TAB2: variants seen among roughly 807,000 people sequenced by gnomAD.
The protein encoded by TAB2 is TGF-beta activated kinase 1 (MAP3K7) binding protein 2.
In TAB2, 3 loss-of-function variants were observed where a neutral mutation model predicts 65.0. The observed-to-expected ratio is 0.05, with a 90% CI of 0.02 to 0.12. The LOEUF is 0.12. TAB2 is among the 10% of genes least tolerant of loss of function. The pLI is 1.00. For synonymous variants in TAB2, 298 were observed against 285.1 expected, an observed-to-expected ratio of 1.05 and a Z score of -0.46; for missense variants, 623 against 840.3, an observed-to-expected ratio of 0.74 and a Z score of 3.20.
chr6:149,224,836 G>A (rs1777233997), intron 1 of TAB2, among the ~76,000 whole-genome samples: 1 of 152,130 alleles, frequency 6.6e-6, no homozygotes, highest in Admixed American at 6.5e-5. Context: ...AAAAATAAAC[G>A]GAGAACTGAC....
chr6:149,381,719 C>G (rs188087095), intron 3 of TAB2, among the ~76,000 whole-genome samples: 2 of 151,884 alleles, frequency 1.3e-5, no homozygotes, highest in Admixed American at 1.3e-4. Context: ...ACTACAGGTA[C>G]ACACCACCAC....
chr6:149,304,749 T>C (rs1779031712), intron 1 of TAB2, among the ~76,000 whole-genome samples: 1 of 152,190 alleles, frequency 6.6e-6, no homozygotes, highest in African/African-American at 2.4e-5. Flanking sequence ...TAGAATCACT[T>C]GTTTAAAAGT....
At chr6:149,323,086 A>G (rs894797860) in intron 1 of TAB2, among the ~76,000 whole-genome samples, 1 of 152,120 alleles carries the variant, frequency 6.6e-6, no homozygotes, top group Admixed American at 6.5e-5. Context: ...TTAAATGTTG[A>G]ATAGTTCTTA....
intron 1 of TAB2, among the ~76,000 whole-genome samples, chr6:149,235,378 CT>C (rs1777477167): frequency 6.6e-6 from 1 of 152,186 alleles, no homozygotes; most frequent in Admixed American, 6.5e-5. Context: ...GAAGAGCAAT[CT>C]TGGGAGGAAC....
chr6:149,307,908 A>G (rs963697580), intron 1 of TAB2, among the ~76,000 whole-genome samples: 4 of 152,178 alleles, frequency 2.6e-5, no homozygotes, highest in African/African-American at 9.7e-5. Context: ...ATCTTTCCAG[A>G]CTTTTTTCTA....
upstream of TAB2, among the ~76,000 whole-genome samples, chr6:149,317,324 C>T (rs1447920636): frequency 6.6e-6 from 1 of 151,992 alleles, no homozygotes; most frequent in Non-Finnish European, 1.5e-5. The surrounding 1 kb of genome is among the most constrained non-coding windows in gnomAD (Gnocchi z 4.7). Flanking sequence ...CGGCCCGCGT[C>T]CTCCCTCCAG....
rs557195962 is a variant in TAB2 at position 149,390,990 on chromosome 6, G to A, written c.1604-6614G>A. On this transcript the variant is annotated intron_variant, in intron 3 of 6. Coordinates refer to ENST00000637181, the MANE Select transcript of TAB2 (RefSeq NM_001292034.3). ...CTCTTCCCTGTTATAAATTACAGTC[G>A]CCATTCTTGGATCTTATATTATCTT... Among the ~76,000 whole-genome samples the A allele has an allele frequency of 5.9e-5, 9 of 152,058 alleles. No homozygotes were observed. In the South Asian group the frequency reaches 1.2e-3, roughly 21 times the overall value.
In TAB2 at chr6:149,322,467, G is replaced by A. The variant is rs570162251; in HGVS notation, c.-90+4452G>A. 5.3e-4 allele frequency among the ~76,000 whole-genome samples: 81 copies of A among 152,154 alleles called. 1 individual carries two copies. In the South Asian group the frequency reaches 0.016, roughly 30 times the overall value. ...TTCAAAGTTACAGAGTTTCAACAGCGATTTCCTATTGTTAGTATTTCAGAA... is the reference window on the plus strand; with the variant it reads ...TTCAAAGTTACAGAGTTTCAACAGCAATTTCCTATTGTTAGTATTTCAGAA... On this transcript the variant is annotated intron_variant, in intron 1 of 6. Coordinates refer to ENST00000637181, the MANE Select transcript of TAB2 (RefSeq NM_001292034.3).
At chr6:149,338,884 T>C (rs1780014446) in intron 1 of TAB2, among the ~76,000 whole-genome samples, 1 of 152,212 alleles carries the variant, frequency 6.6e-6, no homozygotes, top group African/African-American at 2.4e-5. Context: ...GGTTGAATCA[T>C]TCCTATGGCT....
At chr6:149,404,843 A>C (rs890924817) in intron 6 of TAB2, among the ~76,000 whole-genome samples, 2 of 152,198 alleles carry the variant, frequency 1.3e-5, no homozygotes, top group African/African-American at 4.8e-5. Flanking sequence ...AAGCTTCTTG[A>C]CCTGGTCTGG....
intron 1 of TAB2, among the ~76,000 whole-genome samples, chr6:149,309,891 T>C (rs569845438): frequency 0.03 from 4,626 of 151,798 alleles, 229 homozygotes; most frequent in African/African-American, 0.11. Context: ...TGGGTGTGTG[T>C]GTGTGTGTGT....
intron 1 of TAB2, among the ~76,000 whole-genome samples, chr6:149,275,587 C>A (rs754464794): frequency 1.3e-5 from 2 of 152,176 alleles, no homozygotes; most frequent in African/African-American, 4.8e-5. Flanking sequence ...CACTCACTAA[C>A]TGTGAGCTGT....
intron 1 of TAB2, among the ~76,000 whole-genome samples, chr6:149,349,537 G>A (rs1421187340): frequency 6.6e-6 from 1 of 152,040 alleles, no homozygotes; most frequent in Non-Finnish European, 1.5e-5. Context: ...TGTTTCAGGT[G>A]TGTTCCTGTT....
chr6:149,233,265 T>C (rs1360475139), intron 1 of TAB2, among the ~76,000 whole-genome samples: 2 of 152,170 alleles, frequency 1.3e-5, no homozygotes, highest in South Asian at 2.1e-4. Flanking sequence ...GAATCTGTCA[T>C]CCAGGGTCCG....
intron 3 of TAB2, among the ~76,000 whole-genome samples, chr6:149,385,589 T>A (rs1299672541): frequency 6.6e-6 from 1 of 152,218 alleles, no homozygotes; most frequent in African/African-American, 2.4e-5. Flanking sequence ...ACTTGTAGGT[T>A]CCTCCCAGTC....
intron 1 of TAB2, among the ~76,000 whole-genome samples, chr6:149,235,658 T>C (rs192964315): frequency 1.3e-5 from 2 of 152,330 alleles, no homozygotes; most frequent in East Asian, 3.9e-4. Context: ...AGCCTTGATA[T>C]CAGGAACTTC....
At chr6:149,256,930 T>C (rs573084906) in intron 1 of TAB2, among the ~76,000 whole-genome samples, 1 of 152,362 alleles carries the variant, frequency 6.6e-6, no homozygotes, top group East Asian at 1.9e-4. Flanking sequence ...TATCTCTTTC[T>C]TTATAATTAA....
Position 149,411,510 on chromosome 6 carries a change from A to C in TAB2, c.*1791A>C, listed in dbSNP as rs1782861228. On this transcript the variant is annotated 3_prime_UTR_variant, in exon 7 of 7. Coordinates refer to ENST00000637181, the MANE Select transcript of TAB2 (RefSeq NM_001292034.3). ...TTACTTGTTTTATTAATAAAACGTAATTTGGATATCTTGAGTTGATGGTTT... is the reference window on the plus strand; with the variant it reads ...TTACTTGTTTTATTAATAAAACGTACTTTGGATATCTTGAGTTGATGGTTT... 6.5e-6 allele frequency: 1 copy of C among 152,984 alleles called. No homozygotes were observed. Among genetic ancestry groups the C allele is most frequent in the Non-Finnish European group, 1.5e-5 (1 of 68,034 alleles). 9.5% of individuals were successfully genotyped at this position (152,984 alleles called of 1,614,324 possible). A position where few individuals can be genotyped will look rare whatever the true frequency, so the allele number is the denominator to read the frequency against.
At chr6:149,323,618 C>T (rs1377107859) in intron 1 of TAB2, among the ~76,000 whole-genome samples, 2 of 152,168 alleles carry the variant, frequency 1.3e-5, no homozygotes, top group East Asian at 3.8e-4. Flanking sequence ...CTTCAGATGC[C>T]TAAATCTTAG....
Sources: allele counts gnomAD v4.1 joint callset (sites outside exome capture counted in the v4.1 genomes callset), GRCh38; gene constraint gnomAD v4.1.1; non-coding constraint Gnocchi (gnomAD v3.1); transcripts MANE v1.5; gene names NCBI Gene and HGNC (gene_info 2026-07-23, HGNC 2026-07-21).